The following ATRNL1 variants were observed in gnomAD, a reference collection of about 807,000 sequenced individuals.
ATRNL1 encodes attractin-like protein 1.
In ATRNL1, 95 loss-of-function variants were observed where a neutral mutation model predicts 182.7. That is an observed-to-expected ratio of 0.52 (90% confidence interval 0.44 to 0.62). ATRNL1 has a LOEUF of 0.62. Ranked by LOEUF, ATRNL1 falls within the 20% of genes least tolerant of loss-of-function variation. ATRNL1 has a pLI of 0.00. For synonymous variants in ATRNL1, 576 were observed against 568.3 expected (o/e 1.01, Z -0.19); for missense variants, 1,471 against 1,679.5 (o/e 0.88, Z 2.17).
At position 115,810,621 on chromosome 10, in the gene ATRNL1, A is replaced by C. The variant is rs189836933; in HGVS notation, c.3904-37256A>C. On this transcript the variant is annotated intron_variant, in intron 27 of 28. Coordinates refer to ENST00000355044, the MANE Select transcript of ATRNL1 (RefSeq NM_207303.4). ...ATACTTGTTAATTCTTGGAAGTAAA[A>C]CCACAAGTGTTTATACATGTGAATA... is the stretch of plus-strand genomic sequence containing the variant. Among the ~76,000 whole-genome samples the C allele has an allele frequency of 2.6e-4, 39 of 152,044 alleles. No homozygotes were observed. In the East Asian group the frequency reaches 6.2e-3, roughly 24 times the overall value.
intron 27 of ATRNL1, among the ~76,000 whole-genome samples, chr10:115,825,231 TG>T (rs1950401611): frequency 2.6e-5 from 4 of 151,604 alleles, no homozygotes; most frequent in Non-Finnish European, 4.4e-5. Flanking sequence ...AGTTGAACAA[TG>T]AGAACACAAG....
intron 28 of ATRNL1, among the ~76,000 whole-genome samples, chr10:115,861,394 T>A (rs1951313332): frequency 6.6e-6 from 1 of 152,212 alleles, no homozygotes; most frequent in African/African-American, 2.4e-5. Context: ...TCCCCCACTT[T>A]TCTTACCTGT....
At chr10:115,540,887 A>G (rs1489369533) in intron 25 of ATRNL1, among the ~76,000 whole-genome samples, 1 of 152,154 alleles carries the variant, frequency 6.6e-6, no homozygotes, top group African/African-American at 2.4e-5. Flanking sequence ...TACTAGATCT[A>G]TTACCTATGC....
intron 20 of ATRNL1, among the ~76,000 whole-genome samples, chr10:115,422,962 C>T (rs1180808876): frequency 6.6e-6 from 1 of 152,154 alleles, no homozygotes; most frequent in Non-Finnish European, 1.5e-5. Context: ...TACCCCAAAC[C>T]TCTGTGACAC....
chr10:115,726,847 T>C (rs1947612500), intron 26 of ATRNL1, among the ~76,000 whole-genome samples: 1 of 136,044 alleles, frequency 7.4e-6, no homozygotes, highest in African/African-American at 2.6e-5. Flanking sequence ...TTCTTAAATA[T>C]TTTTACTGTT....
intron 26 of ATRNL1, among the ~76,000 whole-genome samples, chr10:115,687,960 TC>T (rs1401575741): frequency 6.6e-6 from 1 of 152,032 alleles, no homozygotes; most frequent in African/African-American, 2.4e-5. Flanking sequence ...CTTCATTCAC[TC>T]CCCCGCTCCC....
intron 19 of ATRNL1, among the ~76,000 whole-genome samples, chr10:115,352,580 G>A (rs902447594): frequency 4.6e-5 from 7 of 151,836 alleles, no homozygotes; most frequent in African/African-American, 1.7e-4. Flanking sequence ...CCATATATTT[G>A]TATAGTTTCC....
Position 115,215,878 on chromosome 10 carries a change from T to C in ATRNL1, c.1530T>C (p.Thr510=). Residue 510 remains threonine (T), a splice_region_variant and synonymous_variant, in exon 9 of 29, where the codon ACT becomes ACC. Coordinates refer to ENST00000355044, the MANE Select transcript of ATRNL1 (RefSeq NM_207303.4). ...ATAAATATGAAGTTAACACTAAGAC[T>C]TGGTGAGTACACAAAATAACACATT... ...DLYKYEVNTK[T]WTILKESGFA... is the part of the protein sequence containing the mutation. 6.5e-7 allele frequency: 1 copy of C among 1,541,734 alleles called. No homozygotes were observed. The highest frequency in any genetic ancestry group is 8.7e-7 in the Non-Finnish European group (1 of 1,148,484).
intron 21 of ATRNL1, among the ~76,000 whole-genome samples, chr10:115,460,012 G>A (rs1369702313): frequency 6.6e-6 from 1 of 152,174 alleles, no homozygotes; most frequent in African/African-American, 2.4e-5. Context: ...TCACTACTCA[G>A]TCTTTTAAAC....
intron 7 of ATRNL1, among the ~76,000 whole-genome samples, chr10:115,169,178 T>G (rs1239932263): frequency 6.6e-6 from 1 of 151,632 alleles, no homozygotes; most frequent in Admixed American, 6.6e-5. Flanking sequence ...TTCCATTGAT[T>G]TATCCCAGTA....
chr10:115,124,082 GAATCATCCCAA>G (rs1405971218), intron 3 of ATRNL1, among the ~76,000 whole-genome samples: 1 of 151,960 alleles, frequency 6.6e-6, no homozygotes, highest in African/African-American at 2.4e-5. Context: ...TAATATGCTT[GAATCATCCCAA>G]AATCATCCTC....
chr10:115,707,078 A>G (rs1946922241), intron 26 of ATRNL1, among the ~76,000 whole-genome samples: 1 of 151,874 alleles, frequency 6.6e-6, no homozygotes, highest in Non-Finnish European at 1.5e-5. Context: ...AATTCAACTC[A>G]GGCAGGTACT....
intron 20 of ATRNL1, among the ~76,000 whole-genome samples, chr10:115,395,916 T>A (rs1367074874): frequency 2.0e-5 from 3 of 151,726 alleles, no homozygotes; most frequent in African/African-American, 7.2e-5. Flanking sequence ...ATATGTACTG[T>A]ATTTGACACA....
intron 26 of ATRNL1, among the ~76,000 whole-genome samples, chr10:115,687,424 T>C (rs1946253053): frequency 6.6e-6 from 1 of 152,092 alleles, no homozygotes; most frequent in South Asian, 2.1e-4. Flanking sequence ...GGTACACCTG[T>C]GTTGTTGCAA....
chr10:115,860,122 G>A (rs1312613055), intron 28 of ATRNL1, among the ~76,000 whole-genome samples: 9 of 152,156 alleles, frequency 5.9e-5, no homozygotes, highest in African/African-American at 1.7e-4. Flanking sequence ...ACTGAAACTG[G>A]TCCACAGGAC....
At position 115,550,602 on chromosome 10, in the gene ATRNL1, G is replaced by A. The variant is rs149517774; in HGVS notation, c.3795+1066G>A. ...CTCTCTGATTTTCTGTTTATGGCCA[G>A]TGCAGCATCAGTGAGGGTTTACTTG... On this transcript the variant is annotated intron_variant, in intron 26 of 28. Coordinates refer to ENST00000355044, the MANE Select transcript of ATRNL1 (RefSeq NM_207303.4). Among the ~76,000 whole-genome samples, 6 of 151,848 alleles carry A rather than the reference G, an allele frequency of 4.0e-5. No individual in the cohort carries two copies. In the East Asian group the frequency reaches 5.8e-4, roughly 15 times the overall value.
chr10:115,890,915 C>T (rs536490241), intron 28 of ATRNL1, among the ~76,000 whole-genome samples: 7 of 152,180 alleles, frequency 4.6e-5, no homozygotes, highest in South Asian at 4.2e-4. Context: ...AAGTTGGAGG[C>T]GGTCAGCCTG....
At chr10:115,178,178 G>T (rs1310436550) in intron 8 of ATRNL1, among the ~76,000 whole-genome samples, 1 of 151,954 alleles carries the variant, frequency 6.6e-6, no homozygotes, top group Non-Finnish European at 1.5e-5. Context: ...CCAAAGTGCT[G>T]GGACTACAGA....
rs564574690 is a variant in ATRNL1 at position 115,631,110 on chromosome 10, C to T, written c.3795+81574C>T. 5.9e-5 allele frequency among the ~76,000 whole-genome samples: 9 copies of T among 151,858 alleles called. No individual in the cohort carries two copies. The East Asian group carries it at 7.7e-4, about 13-fold the overall frequency. On this transcript the variant is annotated intron_variant, in intron 26 of 28. Coordinates refer to ENST00000355044, the MANE Select transcript of ATRNL1 (RefSeq NM_207303.4). ...GGGAGATGTTGGTCAAATGGTACAACGTTTCATATACTAGAATGACTATAT... is the reference window on the plus strand; with the variant it reads ...GGGAGATGTTGGTCAAATGGTACAATGTTTCATATACTAGAATGACTATAT...
Sources: gnomAD v4.1 joint callset for allele counts (sites outside exome capture counted in the v4.1 genomes callset) on GRCh38, gnomAD v4.1.1 for gene constraint, MANE v1.5 for transcripts, NCBI Gene and HGNC (gene_info 2026-07-23, HGNC 2026-07-21) for gene names.